Variants in OXR1 observed in about 807,000 individuals in gnomAD.
The protein encoded by OXR1 is oxidation resistance protein 1.
Under a neutral mutation model 104.6 loss-of-function variants are expected in OXR1, and 41 were observed. That is an observed-to-expected ratio of 0.39 (90% CI 0.31 to 0.51). OXR1 has a LOEUF of 0.51. Ranked by LOEUF, OXR1 falls within the 20% of genes least tolerant of loss-of-function variation. The pLI is 0.77. For synonymous variants in OXR1, 348 were observed against 348.4 expected, an observed-to-expected ratio of 1.00 and a Z score of 0.01; for missense variants, 955 against 1,031.9, an observed-to-expected ratio of 0.93 and a Z score of 1.02.
At chr8:106,737,464 TTTG>T in intron 11 of OXR1, 53 bp from the exon 12 acceptor site, 1 of 404,822 alleles carries the variant, frequency 2.5e-6, no homozygotes, top group Non-Finnish European at 4.4e-6. Context: ...TTTTTTTTTT[TTTG>T]CTGTTTTTCT....
chr8:106,727,724 C>G (rs1348305214), intron 11 of OXR1, among the ~76,000 whole-genome samples: 1 of 152,142 alleles, frequency 6.6e-6, no homozygotes, highest in Non-Finnish European at 1.5e-5. Flanking sequence ...CAGCCAAGTT[C>G]TGTTCATTCT....
At chr8:106,374,228 T>G (rs935499308) in intron 2 of OXR1, among the ~76,000 whole-genome samples, 4 of 152,238 alleles carry the variant, frequency 2.6e-5, no homozygotes, top group Non-Finnish European at 5.9e-5. Context: ...CCTGGATATT[T>G]GCCATTTGAT....
At chr8:106,498,778 T>C (rs1157958075) in intron 2 of OXR1, among the ~76,000 whole-genome samples, 1 of 152,200 alleles carries the variant, frequency 6.6e-6, no homozygotes, top group Non-Finnish European at 1.5e-5. Context: ...GAGTTAATTT[T>C]GTTCCAAGAT....
chr8:106,730,625 C>G (rs542950816), intron 11 of OXR1, among the ~76,000 whole-genome samples: 3 of 152,072 alleles, frequency 2.0e-5, no homozygotes, highest in Non-Finnish European at 4.4e-5. Flanking sequence ...TACCCATTCA[C>G]CTGGTAAAGG....
At chr8:106,461,411 A>G (rs999119505) in intron 2 of OXR1, among the ~76,000 whole-genome samples, 2 of 152,048 alleles carry the variant, frequency 1.3e-5, no homozygotes, top group African/African-American at 4.8e-5. Flanking sequence ...ATCTCTACAA[A>G]AATACAAAAA....
At chr8:106,368,087 A>G (rs1444344649) in intron 2 of OXR1, among the ~76,000 whole-genome samples, 2 of 152,308 alleles carry the variant, frequency 1.3e-5, no homozygotes, top group East Asian at 3.9e-4. Flanking sequence ...AGTTCATATG[A>G]AATGTAAATT....
In OXR1 at chr8:106,623,359, A is replaced by G. The variant is rs565915900; in HGVS notation, c.221-55851A>G. Among the ~76,000 whole-genome samples, 254 of 152,246 alleles carry G rather than the reference A, an allele frequency of 1.7e-3. 1 individual carries two copies. Among genetic ancestry groups the G allele is most frequent in the African/African-American group, 6.0e-3 (249 of 41,560 alleles). ...TAATCCCACCCCTGTGGACATTAAA[A>G]TAGTAATAATAATGTTAACTTACAC... On this transcript the variant is annotated intron_variant, in intron 3 of 16. Coordinates refer to ENST00000517566, the MANE Select transcript of OXR1 (RefSeq NM_001198533.2).
intron 3 of OXR1, among the ~76,000 whole-genome samples, chr8:106,663,086 C>T (rs940075950): frequency 2.0e-5 from 3 of 152,188 alleles, no homozygotes; most frequent in Non-Finnish European, 2.9e-5. Context: ...ATCCAAAACA[C>T]TCCTGTTCCC....
intron 1 of OXR1, among the ~76,000 whole-genome samples, chr8:106,294,287 T>C (rs1446284380): frequency 6.7e-6 from 1 of 149,964 alleles, no homozygotes; most frequent in Admixed American, 6.7e-5. Context: ...TCCCAGCTAC[T>C]TGGGAGGCTG....
chr8:106,493,210 C>G (rs1811210032), intron 2 of OXR1, among the ~76,000 whole-genome samples: 1 of 152,128 alleles, frequency 6.6e-6, no homozygotes, highest in African/African-American at 2.4e-5. Flanking sequence ...TAGAGAAAAG[C>G]TATTTTAGCC....
At chr8:106,739,951 G>A (rs1193865179) in intron 13 of OXR1, among the ~76,000 whole-genome samples, 1 of 152,134 alleles carries the variant, frequency 6.6e-6, no homozygotes, top group African/African-American at 2.4e-5. Flanking sequence ...ACAGGGAGAA[G>A]TATTAAAGCT....
At chr8:106,545,071 T>C (rs1815249766) in intron 3 of OXR1, among the ~76,000 whole-genome samples, 1 of 152,262 alleles carries the variant, frequency 6.6e-6, no homozygotes, top group African/African-American at 2.4e-5. Flanking sequence ...TGTTTAACAG[T>C]ATCCCTGGCC....
chr8:106,451,325 C>T (rs1431631539), intron 2 of OXR1, among the ~76,000 whole-genome samples: 1 of 152,148 alleles, frequency 6.6e-6, no homozygotes, highest in African/African-American at 2.4e-5. Context: ...AGCATATATA[C>T]TGGCTCTAAT....
intron 2 of OXR1, among the ~76,000 whole-genome samples, chr8:106,408,064 G>T (rs1818308086): frequency 6.6e-6 from 1 of 152,164 alleles, no homozygotes; most frequent in Non-Finnish European, 1.5e-5. Flanking sequence ...CCTAGTGGGT[G>T]CAGGCCAGTG....
intron 1 of OXR1, among the ~76,000 whole-genome samples, chr8:106,312,567 A>G (rs1406697795): frequency 1.3e-5 from 2 of 152,226 alleles, no homozygotes; most frequent in African/African-American, 4.8e-5. Context: ...CGAGGGCCAT[A>G]TTGGAAGTTA....
intron 3 of OXR1, among the ~76,000 whole-genome samples, chr8:106,635,110 T>C (rs1203324162): frequency 6.6e-6 from 1 of 152,160 alleles, no homozygotes. Context: ...AGAGAGGAGA[T>C]TTGGTCATTG....
At chr8:106,508,974 G>A (rs1196235778) in intron 2 of OXR1, among the ~76,000 whole-genome samples, 1 of 152,174 alleles carries the variant, frequency 6.6e-6, no homozygotes, top group Non-Finnish European at 1.5e-5. Flanking sequence ...ATGATTTATA[G>A]AGATAGTTTG....
rs565316528 is a variant in OXR1 at position 106,429,623 on chromosome 8, G to T, written c.23+69987G>T. 2.0e-5 allele frequency among the ~76,000 whole-genome samples: 3 copies of T among 147,290 alleles called. No individual in the cohort carries two copies. In the East Asian group the frequency reaches 6.0e-4, roughly 29 times the overall value. ...TGCAGTGAGCCGAGATCTCGCCACT[G>T]CACTCCAGCCTGGGCGACAGAGCAA... On this transcript the variant is annotated intron_variant, in intron 2 of 16. Transcript: ENST00000517566.
At chr8:106,443,126 A>G (rs1178997784) in intron 2 of OXR1, among the ~76,000 whole-genome samples, 1 of 152,108 alleles carries the variant, frequency 6.6e-6, no homozygotes, top group African/African-American at 2.4e-5. Flanking sequence ...CATTGGTTTC[A>G]AAGAACTTCA....
Sources: allele counts gnomAD v4.1 joint callset (sites outside exome capture counted in the v4.1 genomes callset), GRCh38; gene constraint gnomAD v4.1.1; transcripts MANE v1.5; gene names NCBI Gene and HGNC (gene_info 2026-07-23, HGNC 2026-07-21).